FAM117B: variants seen among roughly 807,000 people sequenced by gnomAD.
FAM117B encodes protein FAM117B.
A neutral mutation model predicts 52.8 loss-of-function variants in FAM117B; 22 were observed. That is an observed-to-expected ratio of 0.42 (90% CI 0.30 to 0.59). The LOEUF (loss-of-function observed/expected upper bound fraction) is 0.59, where lower values mean the gene tolerates loss of function less well. FAM117B is among the 20% of genes least tolerant of loss of function. FAM117B has a pLI of 0.22. For missense variants in FAM117B, 678 were observed against 802.6 expected, an observed-to-expected ratio of 0.84 and a Z score of 1.88; for synonymous variants, 309 against 324.1, an observed-to-expected ratio of 0.95 and a Z score of 0.50.
At chr2:202,660,273 C>CT (rs1690109600) in intron 1 of FAM117B, among the ~76,000 whole-genome samples, 1 of 151,952 alleles carries the variant, frequency 6.6e-6, no homozygotes, top group Non-Finnish European at 1.5e-5. Context: ...ACTTGAGACT[C>CT]TGAGTCCTAT....
chr2:202,662,918 C>T (rs774073204), intron 1 of FAM117B, among the ~76,000 whole-genome samples: 78 of 152,098 alleles, frequency 5.1e-4, no homozygotes, highest in Non-Finnish European at 7.5e-4. Flanking sequence ...GATTATTATA[C>T]AGTGTATTCA....
At chr2:202,730,039 A>G (rs1226313552) in intron 4 of FAM117B, among the ~76,000 whole-genome samples, 2 of 152,212 alleles carry the variant, frequency 1.3e-5, no homozygotes, top group African/African-American at 4.8e-5. Context: ...GAAACTTTTA[A>G]ACTGCTGAGG....
intron 1 of FAM117B, among the ~76,000 whole-genome samples, chr2:202,684,410 G>A (rs1690506853): frequency 6.6e-6 from 1 of 152,178 alleles, no homozygotes; most frequent in South Asian, 2.1e-4. Context: ...GTGGACATGT[G>A]TGCAGTGGAA....
intron 1 of FAM117B, among the ~76,000 whole-genome samples, chr2:202,645,003 G>GT (rs1689838365): frequency 6.6e-6 from 1 of 151,390 alleles, no homozygotes; most frequent in Admixed American, 6.6e-5. Context: ...TGTTATCTTT[G>GT]TTTTTTGTCT....
intron 1 of FAM117B, among the ~76,000 whole-genome samples, chr2:202,648,518 A>ACC (rs56196446): frequency 0.018 from 1,776 of 96,660 alleles, 38 homozygotes; most frequent in South Asian, 0.023. Context: ...CTCTGTCCCC[A>ACC]CCCCCCCCCC....
At chr2:202,700,425 C>A (rs1305967853) in intron 2 of FAM117B, among the ~76,000 whole-genome samples, 1 of 152,176 alleles carries the variant, frequency 6.6e-6, no homozygotes, top group East Asian at 1.9e-4. Flanking sequence ...ATCAAACCAG[C>A]CACAACATTT....
intron 1 of FAM117B, among the ~76,000 whole-genome samples, chr2:202,683,328 C>CA (rs907764684): frequency 8.2e-4 from 123 of 150,570 alleles, no homozygotes; most frequent in African/African-American, 2.8e-3. Context: ...GACTCTGTCT[C>CA]AAAAAAACAA....
chr2:202,706,570 T>C (rs1690871189), intron 2 of FAM117B, among the ~76,000 whole-genome samples: 1 of 152,226 alleles, frequency 6.6e-6, no homozygotes, highest in Admixed American at 6.5e-5. Context: ...AAGACAGCTG[T>C]TTATAAATCT....
intron 1 of FAM117B, among the ~76,000 whole-genome samples, chr2:202,676,995 C>G (rs749534651): frequency 2.0e-5 from 3 of 151,784 alleles, no homozygotes; most frequent in Non-Finnish European, 2.9e-5. Flanking sequence ...ACCCTTACCA[C>G]TAATAGCATG....
chr2:202,644,009 C>T (rs1257449731), intron 1 of FAM117B, among the ~76,000 whole-genome samples: 2 of 147,596 alleles, frequency 1.4e-5, no homozygotes, highest in Non-Finnish European at 3.0e-5. Context: ...CGTGCCTGGC[C>T]TACACATTTC....
chr2:202,677,027 T>C (rs7563319), intron 1 of FAM117B, among the ~76,000 whole-genome samples: 41,640 of 151,672 alleles, frequency 0.27, 6,250 homozygotes, highest in East Asian at 0.54. Context: ...GCTTGGCTGA[T>C]GAACTGAGTG....
chr2:202,749,007 AGGAAT>A (rs1428399959), intron 4 of FAM117B, among the ~76,000 whole-genome samples: 2 of 152,174 alleles, frequency 1.3e-5, no homozygotes, highest in Non-Finnish European at 2.9e-5. Context: ...TAAAAACTGA[AGGAAT>A]GAGAGCACTG....
At chr2:202,724,520 A>G (rs1199822427) in intron 2 of FAM117B, among the ~76,000 whole-genome samples, 1 of 152,240 alleles carries the variant, frequency 6.6e-6, no homozygotes, top group Non-Finnish European at 1.5e-5. Context: ...CACAGTGCCT[A>G]GCACATAAGA....
chr2:202,668,035 G>A (rs1191932897), intron 1 of FAM117B, among the ~76,000 whole-genome samples: 1 of 148,796 alleles, frequency 6.7e-6, no homozygotes, highest in Non-Finnish European at 1.5e-5. Context: ...AGGCAACACA[G>A]TAAGGCTCCA....
At chr2:202,680,078 C>A (rs933647093) in intron 1 of FAM117B, among the ~76,000 whole-genome samples, 1 of 152,126 alleles carries the variant, frequency 6.6e-6, no homozygotes, top group African/African-American at 2.4e-5. Context: ...TTGAGGTTAA[C>A]AGCAGACAAC....
chr2:202,768,876 A>G lies in FAM117B; in HGVS notation c.*3112A>G, dbSNP rs764375027. The G allele has an allele frequency of 2.0e-5, 3 of 152,082 alleles. No individual in the cohort carries two copies. Among genetic ancestry groups the G allele is most frequent in the African/African-American group, 4.8e-5 (2 of 41,428 alleles). The allele number at this position is 152,082 out of a possible 1,614,324, so 9.4% of individuals were successfully genotyped here. A position where few individuals can be genotyped will look rare whatever the true frequency, so the allele number is the denominator to read the frequency against. On this transcript the variant is annotated 3_prime_UTR_variant, in exon 8 of 8. Transcript: ENST00000392238. ...AGCTATTTGGTTATTCACTTTGTCA[A>G]TCTTAGGTTTTTTTAAATCTTTAAA...
At chr2:202,677,712 T>G (rs1011421120) in intron 1 of FAM117B, among the ~76,000 whole-genome samples, 22 of 152,306 alleles carry the variant, frequency 1.4e-4, no homozygotes, top group Admixed American at 1.2e-3. Context: ...TAGTAGAATA[T>G]AAACTCCTAA....
At chr2:202,706,499 C>G (rs970968238) in intron 2 of FAM117B, among the ~76,000 whole-genome samples, 1 of 152,070 alleles carries the variant, frequency 6.6e-6, no homozygotes, top group Non-Finnish European at 1.5e-5. Flanking sequence ...GTAAGATGTC[C>G]TGTGATTAAA....
intron 1 of FAM117B, among the ~76,000 whole-genome samples, chr2:202,669,508 T>G (rs1452391782): frequency 6.6e-6 from 1 of 152,182 alleles, no homozygotes; most frequent in Non-Finnish European, 1.5e-5. Flanking sequence ...TCAGAAGATG[T>G]TCTTCCTCCT....
Sources: allele counts gnomAD v4.1 joint callset (sites outside exome capture counted in the v4.1 genomes callset), GRCh38; gene constraint gnomAD v4.1.1; transcripts MANE v1.5; gene names NCBI Gene and HGNC (gene_info 2026-07-23, HGNC 2026-07-21).